The following L3MBTL4 variants were observed in gnomAD, a reference collection of about 807,000 sequenced individuals.
L3MBTL4 encodes the protein lethal(3)malignant brain tumor-like protein 4.
A neutral mutation model predicts 84.5 loss-of-function variants in L3MBTL4; 70 were observed. That is an observed-to-expected ratio of 0.83 (90% CI 0.68 to 1.01). The LOEUF (loss-of-function observed/expected upper bound fraction) is 1.01, where lower values mean the gene tolerates loss of function less well. L3MBTL4 is among the 50% of genes least tolerant of loss of function. The probability of loss-of-function intolerance (pLI) is 0.00; values close to 1 mark genes in which losing one functional copy is unlikely to be tolerated. For synonymous variants in L3MBTL4, 274 were observed against 259.8 expected (o/e 1.05, Z -0.52); for missense variants, 715 against 754.8 (o/e 0.95, Z 0.62).
intron 1 of L3MBTL4, among the ~76,000 whole-genome samples, chr18:6,354,620 G>T (rs2053352237): frequency 6.6e-6 from 1 of 152,040 alleles, no homozygotes; most frequent in South Asian, 2.1e-4. Context: ...ATGCATAAAA[G>T]ATTTAAATAG....
At chr18:6,059,485 T>C (rs2057134669) in intron 16 of L3MBTL4, among the ~76,000 whole-genome samples, 1 of 152,234 alleles carries the variant, frequency 6.6e-6, no homozygotes, top group Non-Finnish European at 1.5e-5. Context: ...AACCAAAGTC[T>C]TGTATTCCAG....
In L3MBTL4 at chr18:6,120,263, G is replaced by A. The variant is rs562446545; in HGVS notation, c.1199+17931C>T. 1.7e-4 allele frequency among the ~76,000 whole-genome samples: 26 copies of A among 152,268 alleles called. No homozygotes were observed. The South Asian group carries it at 3.1e-3, about 18-fold the overall frequency. ...AGGTGGTCTACAAGCCCAGGGGCCCGGGGCCTGCTTGCTAATGGCCTTTAC... is the reference window on the plus strand; with the variant it reads ...AGGTGGTCTACAAGCCCAGGGGCCCAGGGCCTGCTTGCTAATGGCCTTTAC... On this transcript the variant is annotated intron_variant, in intron 14 of 18. Transcript: ENST00000317931.
intron 5 of L3MBTL4, among the ~76,000 whole-genome samples, chr18:6,254,412 CTTT>C (rs763440464): frequency 0.038 from 4,289 of 112,564 alleles, 47 homozygotes; most frequent in Admixed American, 0.049. Context: ...AAAGTGACAC[CTTT>C]TTTTTTTTTT....
chr18:6,281,151 A>G (rs1774507365), intron 4 of L3MBTL4, among the ~76,000 whole-genome samples: 1 of 152,220 alleles, frequency 6.6e-6, no homozygotes, highest in Non-Finnish European at 1.5e-5. Context: ...TTGACAAAAT[A>G]GTCATATTTA....
At chr18:6,239,096 C>T (rs1043993104) in intron 9 of L3MBTL4, among the ~76,000 whole-genome samples, 1 of 152,012 alleles carries the variant, frequency 6.6e-6, no homozygotes, top group African/African-American at 2.4e-5. Flanking sequence ...AATCCCAGCA[C>T]TTTGGGAGGC....
intron 13 of L3MBTL4, among the ~76,000 whole-genome samples, chr18:6,163,414 A>C (rs1447609911): frequency 6.6e-6 from 1 of 152,030 alleles, no homozygotes; most frequent in African/African-American, 2.4e-5. Flanking sequence ...ATAAAACATA[A>C]ATATTTATGG....
chr18:6,243,667 A>C (rs1237080567), intron 6 of L3MBTL4, among the ~76,000 whole-genome samples: 1 of 152,194 alleles, frequency 6.6e-6, no homozygotes. Context: ...CCTTTTACCC[A>C]ATCTAGGAAT....
rs769506377 is a variant in L3MBTL4 at position 5,956,341 on chromosome 18, A to G, written c.1724T>C (p.Val575Ala). ...AFLLLTQTDI[V>A]KVMKIKLGPA... is the part of the protein sequence containing the mutation. ...GCCCAGTTTGATCTTCATCACTTTG[A>G]CAATGTCCGTCTGTGTCAGAAGCAG... Residue 575 changes from valine to alanine, a missense_variant, in exon 19 of 19, where the codon GTC (valine) becomes GCC (alanine). Physicochemically the swap from Val to Ala is moderately conservative, Grantham distance 64 (BLOSUM62 0). Transcript: ENST00000317931. 2 of 1,614,120 alleles carry G rather than the reference A, an allele frequency of 1.2e-6. No homozygotes were observed.
chr18:6,383,862 A>G (rs746072906), intron 1 of L3MBTL4, among the ~76,000 whole-genome samples: 24 of 152,256 alleles, frequency 1.6e-4, no homozygotes, highest in Non-Finnish European at 2.6e-4. Context: ...TGGCTCCTCT[A>G]ATTGTGGGAT....
intron 16 of L3MBTL4, among the ~76,000 whole-genome samples, chr18:6,023,923 T>C (rs78507593): frequency 0.076 from 11,580 of 152,258 alleles, 556 homozygotes; most frequent in East Asian, 0.12. Context: ...AATACATAGC[T>C]ATTACGCTTT....
At chr18:6,129,812 G>A (rs560907272) in intron 14 of L3MBTL4, among the ~76,000 whole-genome samples, 4 of 152,168 alleles carry the variant, frequency 2.6e-5, no homozygotes, top group South Asian at 2.1e-4. Context: ...GTGGCCTAAC[G>A]GTAGAGTTTT....
chr18:6,104,611 A>G (rs1055906244), intron 14 of L3MBTL4, among the ~76,000 whole-genome samples: 6 of 152,198 alleles, frequency 3.9e-5, no homozygotes, highest in African/African-American at 1.2e-4. Flanking sequence ...ACAGGTATAA[A>G]GTTTTAGTTA....
chr18:6,281,656 C>A (rs969321229), intron 4 of L3MBTL4, among the ~76,000 whole-genome samples: 2 of 152,086 alleles, frequency 1.3e-5, no homozygotes, highest in African/African-American at 4.8e-5. Context: ...ATAGAATTTT[C>A]TTGTGAAATT....
At chr18:6,257,645 C>CTTTTTTTTTTTTTT (rs770563046) in intron 5 of L3MBTL4, among the ~76,000 whole-genome samples, 1 of 127,490 alleles carries the variant, frequency 7.8e-6, no homozygotes, top group Non-Finnish European at 1.7e-5. Context: ...TTTTCTTTTT[C>CTTTTTTTTTTTTTT]TTTTTTTTTT....
intron 1 of L3MBTL4, among the ~76,000 whole-genome samples, chr18:6,387,411 T>A (rs1447768619): frequency 1.3e-5 from 2 of 152,304 alleles, no homozygotes; most frequent in East Asian, 3.9e-4. Context: ...TATTTACTAG[T>A]TCTATTTATT....
At chr18:6,074,140 C>T (rs544211785) in intron 16 of L3MBTL4, among the ~76,000 whole-genome samples, 3 of 152,262 alleles carry the variant, frequency 2.0e-5, no homozygotes, top group African/African-American at 7.2e-5. Flanking sequence ...TTCGTCATAA[C>T]CCCTTTCTTC....
intron 12 of L3MBTL4, among the ~76,000 whole-genome samples, chr18:6,187,963 C>G (rs1444446126): frequency 6.6e-6 from 1 of 150,582 alleles, no homozygotes; most frequent in African/African-American, 2.4e-5. Flanking sequence ...ATCTAATTAT[C>G]TAGGGCTAGT....
Position 6,093,472 on chromosome 18 carries a change from T to G in L3MBTL4, c.1256A>C (p.Asp419Ala), listed in dbSNP as rs1341337470. The G allele has an allele frequency of 1.2e-6, 2 of 1,613,892 alleles. No homozygotes were observed. Among genetic ancestry groups the G allele is most frequent in the African/African-American group, 2.7e-5 (2 of 74,928 alleles). The change falls in exon 15 of 19, where the codon GAT becomes GCT. Residue 419 changes from aspartate to alanine, a missense_variant. Transcript: ENST00000317931. ...MNLKKEATLH[D>A]RLREQTQANL... ...TGCCTGTGTTTGTTCTCTCAAACGA[T>G]CGTGAAGTGTTGCCTCCTTTTTCAA...
chr18:6,258,624 A>G (rs1462478187), intron 5 of L3MBTL4: 1 of 152,312 alleles, frequency 6.6e-6, no homozygotes, highest in Non-Finnish European at 1.5e-5. Flanking sequence ...GGACAAAATC[A>G]GATGGTGAGA....
Sources: allele counts gnomAD v4.1 joint callset (sites outside exome capture counted in the v4.1 genomes callset), GRCh38; gene constraint gnomAD v4.1.1; transcripts MANE v1.5; gene names NCBI Gene and HGNC (gene_info 2026-07-23, HGNC 2026-07-21).